Variants in LDLRAD4 observed in about 807,000 individuals in gnomAD.
LDLRAD4 encodes low density lipoprotein receptor class A domain containing 4, also known as low-density lipoprotein receptor class A domain-containing protein 4.
A neutral mutation model predicts 17.0 loss-of-function variants in LDLRAD4; 5 were observed. That is an observed-to-expected ratio of 0.29 (90% CI 0.15 to 0.62). The LOEUF is 0.62. Ranked by LOEUF, LDLRAD4 falls within the 20% of genes least tolerant of loss-of-function variation. The pLI, the probability that LDLRAD4 is intolerant of heterozygous loss-of-function variation, is 0.84. For synonymous variants in LDLRAD4, 168 were observed against 171.8 expected (o/e 0.98, Z 0.17); for missense variants, 340 against 424.7 (o/e 0.80, Z 1.75).
rs372959054 is a variant in LDLRAD4 at position 13,387,555 on chromosome 18, G to A, written c.-168G>A. ...CGCCCAGGTGCCACACCCAGGTACC[G>A]CCCGCCCGCGCGAGAGCCGGGCAGG... is the stretch of plus-strand genomic sequence containing the variant. On this transcript the variant is annotated 5_prime_UTR_variant, in exon 2 of 6. Transcript: ENST00000359446. The A allele has an allele frequency of 1.1e-3, 713 of 626,200 alleles. 2 individuals carry two copies. Among genetic ancestry groups the A allele is most frequent in the Non-Finnish European group, 1.7e-3 (603 of 352,608 alleles). The allele number at this position is 626,200 out of a possible 1,614,324, so 38.8% of individuals were successfully genotyped here.
At chr18:13,451,625 C>G (rs1422304815) in intron 3 of LDLRAD4, among the ~76,000 whole-genome samples, 2 of 152,150 alleles carry the variant, frequency 1.3e-5, no homozygotes, top group Non-Finnish European at 2.9e-5. Context: ...GGCTTATAAA[C>G]AATCAAAATG....
At chr18:13,343,735 C>G (rs1017285067) in intron 1 of LDLRAD4, among the ~76,000 whole-genome samples, 21 of 152,212 alleles carry the variant, frequency 1.4e-4, no homozygotes, top group African/African-American at 4.8e-4. Flanking sequence ...TACATCCTCT[C>G]CAGCACCTGT....
chr18:13,359,312 A>G (rs1201353352), intron 1 of LDLRAD4, among the ~76,000 whole-genome samples: 2 of 152,220 alleles, frequency 1.3e-5, no homozygotes, highest in African/African-American at 2.4e-5. Flanking sequence ...TAAATGGAGT[A>G]GCCTTTCTGT....
At position 13,440,011 on chromosome 18, in the gene LDLRAD4, G is replaced by C. The variant is rs576121078; in HGVS notation, c.181+1627G>C. On this transcript the variant is annotated intron_variant, in intron 3 of 5. Transcript: ENST00000359446. The surrounding 1 kb of genome is among the most constrained non-coding windows in gnomAD (Gnocchi z 4.4). ...AAGCACTCAAGATTACCTCAACCCA[G>C]GCTTGGGGTCTTAGAAGGAGGTGAG... Among the ~76,000 whole-genome samples, 2 of 152,336 alleles carry C rather than the reference G, an allele frequency of 1.3e-5. No homozygotes were observed. The highest frequency in any genetic ancestry group is 6.5e-5 in the Admixed American group (1 of 15,308).
intron 1 of LDLRAD4, among the ~76,000 whole-genome samples, chr18:13,302,571 G>A (rs1053654352): frequency 2.0e-5 from 3 of 152,180 alleles, no homozygotes; most frequent in African/African-American, 7.2e-5. Flanking sequence ...TTACTGATGT[G>A]CATGGAGGCC....
intron 3 of LDLRAD4, among the ~76,000 whole-genome samples, chr18:13,563,593 G>A (rs2094562908): frequency 6.6e-6 from 1 of 152,216 alleles, no homozygotes; most frequent in South Asian, 2.1e-4. Flanking sequence ...AACATACAGG[G>A]CACAGAGCTT....
intron 3 of LDLRAD4, 70 bp downstream of exon 4, chr18:13,438,454 T>G: frequency 8.1e-7 from 1 of 1,232,076 alleles, no homozygotes; most frequent in Admixed American, 1.9e-5. Flanking sequence ...GTGGGGTCAC[T>G]GGGACATGGG....
intron 3 of LDLRAD4, among the ~76,000 whole-genome samples, chr18:13,504,776 T>C (rs926971728): frequency 3.9e-5 from 6 of 152,232 alleles, no homozygotes; most frequent in African/African-American, 7.2e-5. Context: ...GAGAGAGGCA[T>C]GGGTGTGGCT....
At chr18:13,454,492 T>C (rs1322893610) in intron 3 of LDLRAD4, among the ~76,000 whole-genome samples, 1 of 152,218 alleles carries the variant, frequency 6.6e-6, no homozygotes, top group Non-Finnish European at 1.5e-5. Context: ...TTTGCCCTTA[T>C]TACTAGCCAG....
intron 1 of LDLRAD4, among the ~76,000 whole-genome samples, chr18:13,259,195 C>G (rs557500899): frequency 6.6e-6 from 1 of 152,236 alleles, no homozygotes; most frequent in African/African-American, 2.4e-5. Flanking sequence ...CCCTCTCCTC[C>G]TCTCCCTCCT....
chr18:13,411,688 C>T (rs972743708), intron 2 of LDLRAD4, among the ~76,000 whole-genome samples: 5 of 152,186 alleles, frequency 3.3e-5, no homozygotes, highest in African/African-American at 1.2e-4. Context: ...TGTGAGGCCT[C>T]CCCAGCCATG....
intron 3 of LDLRAD4, among the ~76,000 whole-genome samples, chr18:13,610,931 C>T (rs1313676176): frequency 6.6e-6 from 1 of 152,160 alleles, no homozygotes; most frequent in Admixed American, 6.5e-5. Flanking sequence ...TCATACCATC[C>T]GGATTTCCCT....
chr18:13,275,590 T>G (rs2044815568), upstream of LDLRAD4, among the ~76,000 whole-genome samples: 1 of 152,152 alleles, frequency 6.6e-6, no homozygotes, highest in Non-Finnish European at 1.5e-5. Context: ...AATAATAACT[T>G]AATTATATAT....
intron 1 of LDLRAD4, among the ~76,000 whole-genome samples, chr18:13,246,580 G>C (rs570291935): frequency 2.8e-4 from 43 of 152,366 alleles, no homozygotes; most frequent in Middle Eastern, 3.4e-3. Flanking sequence ...CAGCCCCTAA[G>C]GGGTGGCTGG....
intron 1 of LDLRAD4, among the ~76,000 whole-genome samples, chr18:13,348,796 T>C (rs1395621261): frequency 6.6e-6 from 1 of 152,216 alleles, no homozygotes; most frequent in South Asian, 2.1e-4. Context: ...CTAGCCTCGC[T>C]GCCACCTTGC....
intron 1 of LDLRAD4, among the ~76,000 whole-genome samples, chr18:13,346,791 T>A (rs971301771): frequency 2.6e-5 from 4 of 152,242 alleles, no homozygotes; most frequent in South Asian, 2.1e-4. Context: ...TTTAGGATAG[T>A]TAGCTCTTCT....
chr18:13,397,305 G>A (rs1470883555), intron 2 of LDLRAD4, among the ~76,000 whole-genome samples: 1 of 152,086 alleles, frequency 6.6e-6, no homozygotes, highest in Non-Finnish European at 1.5e-5. Flanking sequence ...CACCACACCT[G>A]CCTAATTTTT....
intron 3 of LDLRAD4, among the ~76,000 whole-genome samples, chr18:13,616,630 G>A (rs1027635096): frequency 6.6e-6 from 1 of 152,206 alleles, no homozygotes; most frequent in African/African-American, 2.4e-5. Flanking sequence ...ACCGTCACCT[G>A]CAGCCAGGGA....
chr18:13,289,283 T>C (rs748179301), intron 1 of LDLRAD4, among the ~76,000 whole-genome samples: 46 of 152,356 alleles, frequency 3.0e-4, no homozygotes, highest in South Asian at 6.2e-4. Context: ...ATTCACTTTC[T>C]CATTTGTCTC....
Sources: gnomAD v4.1 joint callset for allele counts (sites outside exome capture counted in the v4.1 genomes callset) on GRCh38, gnomAD v4.1.1 for gene constraint, Gnocchi (gnomAD v3.1) non-coding constraint, MANE v1.5 for transcripts, NCBI Gene and HGNC (gene_info 2026-07-23, HGNC 2026-07-21) for gene names.